Variants in ASTN1 observed in about 807,000 individuals in gnomAD.
ASTN1 encodes the protein astrotactin 1.
ASTN1 carries 41 observed loss-of-function variants against 140.7 expected under a neutral mutation model. The observed-to-expected ratio is 0.29, with a 90% CI of 0.23 to 0.38. The LOEUF is 0.38. Ranked by LOEUF, ASTN1 falls within the 10% of genes least tolerant of loss-of-function variation. The pLI, the probability that ASTN1 is intolerant of heterozygous loss-of-function variation, is 1.00. For missense variants in ASTN1, 1,479 were observed against 1,678.8 expected (o/e 0.88, Z 2.08); for synonymous variants, 640 against 652.2 (o/e 0.98, Z 0.29).
chr1:177,125,737 C>T (rs963681788), intron 1 of ASTN1, among the ~76,000 whole-genome samples: 7 of 152,158 alleles, frequency 4.6e-5, no homozygotes, highest in Admixed American at 2.0e-4. Flanking sequence ...AAAAAGTTAG[C>T]ACTAGTACCC....
rs1236411623 is a variant in ASTN1 at position 177,029,715 on chromosome 1, C to T, written c.1039G>A (p.Gly347Arg). 3 of 1,613,010 alleles carry T rather than the reference C, an allele frequency of 1.9e-6. No individual in the cohort carries two copies. In the East Asian group the frequency reaches 6.7e-5, roughly 36 times the overall value. ...TTTTCTGCCTCTGTGCCAGAATCCCCTTCAGGGTTCAAGAAGGCGGAACCA... is the reference window on the plus strand; with the variant it reads ...TTTTCTGCCTCTGTGCCAGAATCCCTTTCAGGGTTCAAGAAGGCGGAACCA... ...RAGSAFLNPE[G>R]DSGTEAENDP... Residue 347 changes from glycine to arginine, a missense_variant, in exon 5 of 23, where the codon GGG becomes AGG. By Grantham distance (125) the Gly-to-Arg change is moderately radical (BLOSUM62 -2). This residue lies in a region of ASTN1 where 729 missense variants were observed against 860.4 expected (regional missense o/e 0.85). Coordinates refer to ENST00000361833, the MANE Select transcript of ASTN1 (RefSeq NM_004319.3).
intron 18 of ASTN1, among the ~76,000 whole-genome samples, chr1:176,886,871 C>G (rs1318084873): frequency 6.6e-6 from 1 of 152,226 alleles, no homozygotes; most frequent in Middle Eastern, 3.2e-3. Context: ...TCACTCTCTT[C>G]CAGCTTGTCA....
chr1:176,913,939 A>T (rs1422990547), intron 16 of ASTN1, among the ~76,000 whole-genome samples: 2 of 152,242 alleles, frequency 1.3e-5, no homozygotes, highest in Non-Finnish European at 2.9e-5. Context: ...ATTGATTAGA[A>T]GAGACAAACA....
intron 21 of ASTN1, among the ~76,000 whole-genome samples, chr1:176,870,732 C>T (rs1031960458): frequency 3.3e-5 from 5 of 152,056 alleles, no homozygotes; most frequent in Admixed American, 6.5e-5. Context: ...GTATAGAAGT[C>T]CACTTAGATT....
At chr1:176,982,347 C>A (rs981110039) in intron 8 of ASTN1, among the ~76,000 whole-genome samples, 2 of 152,146 alleles carry the variant, frequency 1.3e-5, no homozygotes, top group African/African-American at 4.8e-5. Flanking sequence ...GAAGGGAATG[C>A]CTTTATGGTC....
At chr1:176,895,157 A>G (rs1364349011) in intron 16 of ASTN1, among the ~76,000 whole-genome samples, 1 of 152,224 alleles carries the variant, frequency 6.6e-6, no homozygotes, top group Non-Finnish European at 1.5e-5. Context: ...CTATGACTCA[A>G]TTTCTTCATC....
downstream of ASTN1, among the ~76,000 whole-genome samples, chr1:176,859,204 C>T (rs963890841): frequency 4.6e-5 from 7 of 152,132 alleles, no homozygotes; most frequent in Non-Finnish European, 1.0e-4. Flanking sequence ...TCTTTCTTTT[C>T]CCAGCTCTGG....
chr1:176,949,614 T>C (rs1672109697), intron 11 of ASTN1, among the ~76,000 whole-genome samples: 1 of 152,224 alleles, frequency 6.6e-6, no homozygotes, highest in Admixed American at 6.5e-5. Flanking sequence ...AAGAGAGCAC[T>C]GTAGCAAGAC....
intron 1 of ASTN1, among the ~76,000 whole-genome samples, chr1:177,156,933 G>A (rs558447374): frequency 1.3e-5 from 2 of 152,252 alleles, no homozygotes; most frequent in South Asian, 2.1e-4. Flanking sequence ...GACAAATACC[G>A]ATTGAGGAAC....
At chr1:177,022,948 C>T (rs999467397) in intron 7 of ASTN1, among the ~76,000 whole-genome samples, 1 of 152,068 alleles carries the variant, frequency 6.6e-6, no homozygotes, top group Non-Finnish European at 1.5e-5. Flanking sequence ...AAAAATCATG[C>T]ATAGTAAAGA....
At chr1:176,907,890 G>A (rs1159484549) in intron 16 of ASTN1, among the ~76,000 whole-genome samples, 1 of 152,180 alleles carries the variant, frequency 6.6e-6, no homozygotes, top group Non-Finnish European at 1.5e-5. Flanking sequence ...AAAAGAAGGT[G>A]CTGTGGTTTT....
At chr1:176,947,765 A>T (rs1460755855) in intron 12 of ASTN1, among the ~76,000 whole-genome samples, 1 of 152,186 alleles carries the variant, frequency 6.6e-6, no homozygotes, top group Admixed American at 6.5e-5. Flanking sequence ...CATCTTCCTC[A>T]TTCTCCTGAC....
At chr1:177,014,536 G>C (rs1675447734) in intron 8 of ASTN1, among the ~76,000 whole-genome samples, 1 of 152,134 alleles carries the variant, frequency 6.6e-6, no homozygotes, top group African/African-American at 2.4e-5. Flanking sequence ...AGGAAGAGAG[G>C]GACAGCTTGA....
intron 1 of ASTN1, among the ~76,000 whole-genome samples, chr1:177,128,456 T>C (rs1216991015): frequency 6.6e-6 from 1 of 152,220 alleles, no homozygotes; most frequent in Non-Finnish European, 1.5e-5. Context: ...CTTTCAAAAG[T>C]CAAATGAGTT....
intron 1 of ASTN1, among the ~76,000 whole-genome samples, chr1:177,157,874 T>G (rs1683307168): frequency 1.3e-5 from 2 of 152,190 alleles, no homozygotes; most frequent in African/African-American, 4.8e-5. Flanking sequence ...TTTCAGCTAT[T>G]TTCTTATTTT....
At chr1:176,896,408 C>G (rs1355109419) in intron 16 of ASTN1, among the ~76,000 whole-genome samples, 1 of 152,128 alleles carries the variant, frequency 6.6e-6, no homozygotes, top group African/African-American at 2.4e-5. Context: ...TCACCCATGA[C>G]TAAATTTTCA....
chr1:177,058,236 G>A (rs1420844767), intron 2 of ASTN1, among the ~76,000 whole-genome samples: 1 of 152,130 alleles, frequency 6.6e-6, no homozygotes, highest in Non-Finnish European at 1.5e-5. Context: ...TGAGATTCCT[G>A]TTCTGTGGAA....
intron 8 of ASTN1, among the ~76,000 whole-genome samples, chr1:176,970,263 C>T (rs988910391): frequency 6.6e-6 from 1 of 152,218 alleles, no homozygotes; most frequent in Non-Finnish European, 1.5e-5. Flanking sequence ...GCTTGTCCTT[C>T]ATGCTGATAG....
At chr1:177,039,238 A>G (rs1676863583) in intron 2 of ASTN1, among the ~76,000 whole-genome samples, 1 of 152,236 alleles carries the variant, frequency 6.6e-6, no homozygotes, top group African/African-American at 2.4e-5. Flanking sequence ...GCAACTAGAC[A>G]TACTGAATTC....
Sources: gnomAD v4.1 joint callset for allele counts (sites outside exome capture counted in the v4.1 genomes callset) on GRCh38, gnomAD v4.1.1 for gene constraint, gnomAD v4.1.1 regional missense constraint, MANE v1.5 for transcripts, NCBI Gene and HGNC (gene_info 2026-07-23, HGNC 2026-07-21) for gene names.